ADGRL3: variants seen among roughly 807,000 people sequenced by gnomAD.
ADGRL3 encodes calcium-independent alpha-latrotoxin receptor 3.
ADGRL3 carries 62 observed loss-of-function variants against 153.5 expected under a neutral mutation model. The observed-to-expected ratio is 0.40, with a 90% CI of 0.33 to 0.50. ADGRL3 has a LOEUF of 0.50. ADGRL3 is among the 20% of genes least tolerant of loss of function. The probability of loss-of-function intolerance (pLI) is 0.47; values close to 1 mark genes in which losing one functional copy is unlikely to be tolerated. For missense variants in ADGRL3, 1,641 were observed against 1,859.4 expected (o/e 0.88, Z 2.16); for synonymous variants, 710 against 672.5 (o/e 1.06, Z -0.86).
At chr4:61,629,558 A>C (rs1353881008) in intron 5 of ADGRL3, among the ~76,000 whole-genome samples, 1 of 151,124 alleles carries the variant, frequency 6.6e-6, no homozygotes, top group African/African-American at 2.4e-5. Flanking sequence ...CTCTACTAAA[A>C]ATACAAAAAT....
At chr4:61,870,439 A>G (rs2098437017) in intron 9 of ADGRL3, among the ~76,000 whole-genome samples, 2 of 152,330 alleles carry the variant, frequency 1.3e-5, no homozygotes, top group Admixed American at 6.5e-5. Flanking sequence ...GCAACAACAG[A>G]AAAATAAGAT....
chr4:61,247,432 G>A (rs565318145), intron 1 of ADGRL3, among the ~76,000 whole-genome samples: 52 of 152,124 alleles, frequency 3.4e-4, no homozygotes, highest in South Asian at 1.0e-3. Context: ...TTCACTTTTT[G>A]ACAGCACAAA....
At chr4:61,791,436 G>T (rs1026772893) in intron 8 of ADGRL3, among the ~76,000 whole-genome samples, 2 of 152,172 alleles carry the variant, frequency 1.3e-5, no homozygotes, top group African/African-American at 4.8e-5. Context: ...CAAGAGGTGG[G>T]TTCCCATGGT....
intron 8 of ADGRL3, among the ~76,000 whole-genome samples, chr4:61,807,678 A>C (rs750288831): frequency 2.6e-5 from 4 of 152,126 alleles, no homozygotes; most frequent in Non-Finnish European, 5.9e-5. Context: ...ATTCATTTTC[A>C]AAATGTATTT....
intron 1 of ADGRL3, among the ~76,000 whole-genome samples, chr4:61,234,234 C>T (rs112231866): frequency 1.0e-3 from 159 of 152,122 alleles, no homozygotes; most frequent in Middle Eastern, 3.4e-3. Flanking sequence ...GTTAGGGCGG[C>T]CTCAGAATCA....
At chr4:61,750,879 GA>G (rs1223048798) in intron 8 of ADGRL3, among the ~76,000 whole-genome samples, 3 of 152,044 alleles carry the variant, frequency 2.0e-5, no homozygotes, top group Non-Finnish European at 4.4e-5. Context: ...TCTTGAAGTG[GA>G]ATCTGGGCAA....
chr4:62,063,536 T>A (rs887664345), intron 25 of ADGRL3: 3 of 698,712 alleles, frequency 4.3e-6, no homozygotes, highest in Non-Finnish European at 7.8e-6. Flanking sequence ...TAAGCAATGC[T>A]CTGCTTCGTC....
At chr4:61,510,085 A>G (rs2098455431) in intron 3 of ADGRL3, among the ~76,000 whole-genome samples, 1 of 152,054 alleles carries the variant, frequency 6.6e-6, no homozygotes, top group Non-Finnish European at 1.5e-5. Flanking sequence ...GTGTTTGTTC[A>G]TGTCCTTCGC....
At chr4:61,399,470 T>A (rs1367147720) in intron 2 of ADGRL3, among the ~76,000 whole-genome samples, 1 of 151,666 alleles carries the variant, frequency 6.6e-6, no homozygotes, top group East Asian at 1.9e-4. Context: ...CCCAATTTCA[T>A]CTTTTTAGGT....
At chr4:61,304,872 G>A (rs1159029) in intron 1 of ADGRL3, among the ~76,000 whole-genome samples, 98,401 of 152,004 alleles carry the variant, frequency 0.65, 33,048 homozygotes, top group East Asian at 0.96. Flanking sequence ...ATCTTAAGAT[G>A]AGAATCACCT....
At chr4:61,276,640 T>C (rs1285095581) in intron 1 of ADGRL3, among the ~76,000 whole-genome samples, 1 of 152,188 alleles carries the variant, frequency 6.6e-6, no homozygotes, top group Non-Finnish European at 1.5e-5. Context: ...TAGTAAAATA[T>C]AACTGATCTT....
intron 1 of ADGRL3, among the ~76,000 whole-genome samples, chr4:61,203,237 G>A (rs1257030511): frequency 2.0e-5 from 3 of 152,314 alleles, no homozygotes; most frequent in Admixed American, 2.0e-4. Context: ...TTTTATTTAT[G>A]GCCAGAGATA....
intron 8 of ADGRL3, among the ~76,000 whole-genome samples, chr4:61,768,395 G>T (rs1023847758): frequency 6.6e-6 from 1 of 152,002 alleles, no homozygotes; most frequent in Non-Finnish European, 1.5e-5. Flanking sequence ...ACTCAGCGAC[G>T]CTTGGGGTCG....
At chr4:62,045,432 GATATT>G (rs1001216147) in intron 25 of ADGRL3, among the ~76,000 whole-genome samples, 44 of 151,892 alleles carry the variant, frequency 2.9e-4, no homozygotes, top group African/African-American at 9.4e-4. Context: ...TTTTATGATC[GATATT>G]ATTATTTTGT....
chr4:61,834,003 T>G (rs2097904212), intron 9 of ADGRL3, among the ~76,000 whole-genome samples: 2 of 150,106 alleles, frequency 1.3e-5, no homozygotes, highest in Non-Finnish European at 3.0e-5. Context: ...TTAGGGTACA[T>G]GTGCACAACG....
intron 1 of ADGRL3, among the ~76,000 whole-genome samples, chr4:61,298,019 C>T (rs1307239517): frequency 6.6e-6 from 1 of 152,062 alleles, no homozygotes; most frequent in African/African-American, 2.4e-5. Context: ...CCATTATATA[C>T]ATAAGGAAAC....
At chr4:61,886,119 C>A (rs887457544) in intron 9 of ADGRL3, among the ~76,000 whole-genome samples, 2 of 152,052 alleles carry the variant, frequency 1.3e-5, no homozygotes, top group African/African-American at 4.8e-5. Context: ...TGTGGAGTTT[C>A]ACTATCTCGG....
intron 1 of ADGRL3, among the ~76,000 whole-genome samples, chr4:61,321,821 T>C (rs2095362539): frequency 6.6e-6 from 1 of 152,176 alleles, no homozygotes; most frequent in African/African-American, 2.4e-5. Context: ...GTGCATTGAC[T>C]GTATTTTAAT....
At chr4:61,807,058 T>A (rs1399473632) in intron 8 of ADGRL3, among the ~76,000 whole-genome samples, 1 of 152,096 alleles carries the variant, frequency 6.6e-6, no homozygotes, top group African/African-American at 2.4e-5. Context: ...CACATACTGA[T>A]TGGGCTTCCT....
Sources: gnomAD v4.1 joint callset for allele counts (sites outside exome capture counted in the v4.1 genomes callset) on GRCh38, gnomAD v4.1.1 for gene constraint, MANE v1.5 for transcripts, NCBI Gene and HGNC (gene_info 2026-07-23, HGNC 2026-07-21) for gene names.